Variants in RBBP8 observed in about 807,000 individuals in gnomAD.
The protein encoded by RBBP8 is RB binding protein 8, endonuclease.
In RBBP8, 88 loss-of-function variants were observed where a neutral mutation model predicts 108.3. The ratio of observed to expected loss-of-function variants is 0.81; its 90% CI spans 0.68 to 0.97. RBBP8 has a LOEUF of 0.97. RBBP8 is among the 50% of genes least tolerant of loss of function. RBBP8 has a pLI of 0.00. For missense variants in RBBP8, 1,023 were observed against 1,049.0 expected (o/e 0.98, Z 0.34); for synonymous variants, 332 against 348.2 (o/e 0.95, Z 0.52).
At chr18:22,997,758 A>AT (rs750876412) in intron 14 of RBBP8, 24 bp downstream of exon 14, 53 of 1,441,580 alleles carry the variant, frequency 3.7e-5, no homozygotes, top group African/African-American at 2.7e-4. Context: ...TTGTTTTGTT[A>AT]TTTTTTTTAA....
intron 16 of RBBP8, among the ~76,000 whole-genome samples, chr18:23,011,786 G>A (rs1365624087): frequency 1.3e-5 from 2 of 152,092 alleles, no homozygotes; most frequent in African/African-American, 4.8e-5. Flanking sequence ...CGATGCCCGT[G>A]TAAGACAGCG....
chr18:22,991,174 T>G, intron 10 of RBBP8, 125 bp downstream of exon 10: 1 of 774,430 alleles, frequency 1.3e-6, no homozygotes, highest in Non-Finnish European at 2.1e-6. Context: ...ATATAAATGT[T>G]TACTTTAAAA....
At chr18:22,927,035 A>G (rs1909814910) in intron 3 of RBBP8, among the ~76,000 whole-genome samples, 1 of 152,230 alleles carries the variant, frequency 6.6e-6, no homozygotes, top group Non-Finnish European at 1.5e-5. Context: ...CTTACTAATT[A>G]CTGTAAACAA....
chr18:23,018,915 A>C (rs554492646), intron 17 of RBBP8, among the ~76,000 whole-genome samples: 2 of 152,264 alleles, frequency 1.3e-5, no homozygotes, highest in South Asian at 4.1e-4. Context: ...CCCCTTTTAA[A>C]TTTCATTTTT....
At chr18:22,949,419 T>A (rs1160229305) in intron 3 of RBBP8, among the ~76,000 whole-genome samples, 199 bp from the exon 4 acceptor site, 1 of 152,234 alleles carries the variant, frequency 6.6e-6, no homozygotes, top group African/African-American at 2.4e-5. Flanking sequence ...AGTGGCATGA[T>A]GACTTTATGG....
chr18:22,953,312 T>C (rs1912201002), intron 4 of RBBP8, among the ~76,000 whole-genome samples: 2 of 152,202 alleles, frequency 1.3e-5, no homozygotes, highest in Admixed American at 1.3e-4. Context: ...AGCCAGGGAT[T>C]TTATTCTCCT....
Position 22,915,296 on chromosome 18 carries a change from AAACTCAAAGGCTATAAAATTATTTTCT to A in RBBP8, c.-305-107_-305-81del, listed in dbSNP as rs1483275121. The A allele has an allele frequency of 2.0e-5, 3 of 152,266 alleles. 1 individual carries two copies. The highest frequency in any genetic ancestry group is 4.1e-4 in the South Asian group (2 of 4,828). The allele number at this position is 152,266 out of a possible 1,614,324, so 9.4% of individuals were successfully genotyped here. On this transcript the variant is annotated intron_variant, in intron 1 of 4. Transcript: ENST00000577588. ...GGGTTCCCACTTTGTCACTATGTTC[AAACTCAAAGGCTATAAAATTATTTTCT>A]AACTCAAAGGCTATAATATTAGTTT...
chr18:22,950,145 C>T (rs1248589874), intron 4 of RBBP8: 1 of 168,150 alleles, frequency 5.9e-6, no homozygotes, highest in African/African-American at 2.4e-5. Context: ...ATAATATTAT[C>T]ACTTACTTCC....
At chr18:22,970,456 A>G (rs936192974) in intron 5 of RBBP8, among the ~76,000 whole-genome samples, 2 of 152,212 alleles carry the variant, frequency 1.3e-5, no homozygotes, top group African/African-American at 4.8e-5. Context: ...ATTGTATGCC[A>G]TAGTATAGGT....
chr18:22,962,946 T>C (rs1357043504), intron 4 of RBBP8, among the ~76,000 whole-genome samples: 1 of 152,100 alleles, frequency 6.6e-6, no homozygotes, highest in Non-Finnish European at 1.5e-5. Flanking sequence ...CTTACTTTAC[T>C]TTCCCTTTTT....
intron 7 of RBBP8, among the ~76,000 whole-genome samples, chr18:22,984,014 G>A (rs911845823): frequency 1.3e-5 from 2 of 152,138 alleles, no homozygotes; most frequent in Non-Finnish European, 2.9e-5. Flanking sequence ...CCTGGAGGTG[G>A]AGGTTGCAGT....
chr18:22,922,974 T>C (rs1237323299), intron 3 of RBBP8, among the ~76,000 whole-genome samples: 2 of 152,190 alleles, frequency 1.3e-5, no homozygotes, highest in South Asian at 2.1e-4. Context: ...TTTAACAATA[T>C]AGTGTAATTC....
At chr18:23,007,856 A>C (rs1355661881) in intron 16 of RBBP8, among the ~76,000 whole-genome samples, 1 of 150,534 alleles carries the variant, frequency 6.6e-6, no homozygotes, top group Non-Finnish European at 1.5e-5. Context: ...CTGGTTGCCC[A>C]GGCTGGAGTG....
At chr18:23,026,105 G>A in intron 18 of RBBP8, 38 bp from the exon 19 acceptor site, 2 of 1,466,356 alleles carry the variant, frequency 1.4e-6, no homozygotes, top group Non-Finnish European at 9.5e-7. Context: ...AATGCATGTT[G>A]CACATACAGT....
intron 16 of RBBP8, among the ~76,000 whole-genome samples, chr18:23,011,245 A>G (rs1338176201): frequency 2.6e-5 from 4 of 152,140 alleles, no homozygotes; most frequent in Non-Finnish European, 5.9e-5. Context: ...GCTTTATTGC[A>G]CTTTGCAGAT....
intron 14 of RBBP8, among the ~76,000 whole-genome samples, chr18:22,999,944 G>T (rs543367982): frequency 6.6e-6 from 1 of 152,286 alleles, no homozygotes; most frequent in East Asian, 1.9e-4. Flanking sequence ...AATGCCTGGT[G>T]CATAGAAGTT....
chr18:23,003,795 T>C (rs2144754181), intron 15 of RBBP8, among the ~76,000 whole-genome samples: 1 of 152,180 alleles, frequency 6.6e-6, no homozygotes, highest in Admixed American at 6.5e-5. Flanking sequence ...GAAAATGATA[T>C]GAAGATTCCT....
chr18:22,971,847 A>G (rs912909475), intron 5 of RBBP8, among the ~76,000 whole-genome samples: 7 of 150,860 alleles, frequency 4.6e-5, no homozygotes, highest in Admixed American at 6.6e-5. Flanking sequence ...CGGTTTCACT[A>G]TGTTGGCCAG....
chr18:22,961,690 G>A (rs563182490), intron 4 of RBBP8, among the ~76,000 whole-genome samples: 1 of 152,254 alleles, frequency 6.6e-6, no homozygotes, highest in East Asian at 1.9e-4. Flanking sequence ...AAGCTCATCA[G>A]CTATCATTAG....
Sources: gnomAD v4.1 joint callset for allele counts (sites outside exome capture counted in the v4.1 genomes callset) on GRCh38, gnomAD v4.1.1 for gene constraint, MANE v1.5 for transcripts, NCBI Gene and HGNC (gene_info 2026-07-23, HGNC 2026-07-21) for gene names.